Variants in FBXW10 observed in about 807,000 individuals in gnomAD.
FBXW10 encodes F-box/WD repeat-containing protein 10.
Under a neutral mutation model 113.1 loss-of-function variants are expected in FBXW10, and 68 were observed. The observed-to-expected ratio is 0.60, with a 90% CI of 0.49 to 0.74. FBXW10 has a LOEUF of 0.74. Ranked by LOEUF, FBXW10 falls within the 30% of genes least tolerant of loss-of-function variation. The probability of loss-of-function intolerance (pLI) is 0.00; values close to 1 mark genes in which losing one functional copy is unlikely to be tolerated. For missense variants in FBXW10, 753 were observed against 1,284.5 expected (o/e 0.59, Z 6.32); for synonymous variants, 289 against 481.6 (o/e 0.60, Z 5.24).
rs562419546 is a variant in FBXW10 at position 18,747,822 on chromosome 17, C to T, written c.506-119C>T. 1,191 of 1,442,152 alleles carry T rather than the reference C, an allele frequency of 8.3e-4. 6 individuals carry two copies. In the African/African-American group the frequency reaches 0.015, roughly 18 times the overall value. The allele number at this position is 1,442,152 out of a possible 1,614,324, so 89.3% of individuals were successfully genotyped here. Reference sequence around the variant, plus strand: ...CCAAATAAAAACAGACATAACTGCTCTGGTCCATTCTGTACATCTTTAAAA... The same window carrying T: ...CCAAATAAAAACAGACATAACTGCTTTGGTCCATTCTGTACATCTTTAAAA... On this transcript the variant is annotated intron_variant, in intron 1 of 13. Coordinates refer to ENST00000395665, the MANE Select transcript of FBXW10 (RefSeq NM_001267585.2).
At chr17:18,750,628 G>GA (rs1299965846) in intron 4 of FBXW10, among the ~76,000 whole-genome samples, 1 of 102,440 alleles carries the variant, frequency 9.8e-6, no homozygotes, top group East Asian at 2.2e-4. Context: ...TTGGTAACTT[G>GA]GATTTTTTTT....
At chr17:18,750,733 G>C (rs552644224) in intron 4 of FBXW10, among the ~76,000 whole-genome samples, 198 bp from the exon 5 acceptor site, 15 of 152,176 alleles carry the variant, frequency 9.9e-5, no homozygotes, top group African/African-American at 3.6e-4. Context: ...GGCATTTGGT[G>C]TTTATTTTTC....
intron 4 of FBXW10, among the ~76,000 whole-genome samples, chr17:18,750,404 G>A (rs1290212189): frequency 6.6e-6 from 1 of 151,876 alleles, no homozygotes; most frequent in Non-Finnish European, 1.5e-5. Context: ...ACCTCACAAA[G>A]CAGAGAACCC....
At chr17:18,756,201 C>A (rs980102143) in intron 6 of FBXW10, 47 bp downstream of exon 6, 6 of 1,558,822 alleles carry the variant, frequency 3.8e-6, no homozygotes, top group Non-Finnish European at 5.3e-6. Flanking sequence ...GCTTGAGTTA[C>A]CCACACTGAC....
intron 8 of FBXW10, among the ~76,000 whole-genome samples, chr17:18,765,735 C>CA (rs1567622282): frequency 1.4e-5 from 2 of 147,814 alleles, no homozygotes; most frequent in Non-Finnish European, 3.0e-5. Context: ...CAACTTCTTC[C>CA]TTTTTTTTTT....
chr17:18,763,201 G>A (rs1286097455), intron 7 of FBXW10, among the ~76,000 whole-genome samples: 1 of 151,012 alleles, frequency 6.6e-6, no homozygotes, highest in Non-Finnish European at 1.5e-5. Flanking sequence ...CTGTCGCCCA[G>A]GCTGGAGTGC....
chr17:18,776,776 G>A (rs1371693322), intron 13 of FBXW10, among the ~76,000 whole-genome samples: 1 of 152,106 alleles, frequency 6.6e-6, no homozygotes, highest in East Asian at 1.9e-4. Flanking sequence ...AATGGGGTCC[G>A]CATTTTCTTC....
intron 1 of FBXW10, among the ~76,000 whole-genome samples, chr17:18,746,802 T>C (rs2035045581): frequency 6.6e-6 from 1 of 152,194 alleles, no homozygotes; most frequent in Non-Finnish European, 1.5e-5. Flanking sequence ...AGGCCTGGCT[T>C]GTACACACAG....
chr17:18,751,475 C>T (rs1316804311), intron 5 of FBXW10, among the ~76,000 whole-genome samples: 1 of 152,170 alleles, frequency 6.6e-6, no homozygotes. Flanking sequence ...TGTGATCCTC[C>T]CGCCTCGGCC....
At chr17:18,747,813 A>G (rs542478469) in intron 1 of FBXW10, 128 bp from the exon 2 acceptor site, 3 of 1,407,090 alleles carry the variant, frequency 2.1e-6, no homozygotes, top group South Asian at 1.5e-5. Context: ...AAAAACAGAC[A>G]TAACTGCTCT....
chr17:18,751,110 T>A, intron 5 of FBXW10, 57 bp downstream of exon 5: 2 of 1,609,788 alleles, frequency 1.2e-6, no homozygotes, highest in Non-Finnish European at 1.7e-6. Context: ...CTAATTGTCA[T>A]TGAAGGCTGA....
intron 1 of FBXW10, among the ~76,000 whole-genome samples, chr17:18,747,615 G>A (rs569601943): frequency 6.6e-6 from 1 of 152,152 alleles, no homozygotes; most frequent in Admixed American, 6.5e-5. Flanking sequence ...ACTCGAGGGT[G>A]GTTATTTCTA....
At chr17:18,748,760 A>C (rs1254356911) in intron 2 of FBXW10, among the ~76,000 whole-genome samples, 1 of 152,262 alleles carries the variant, frequency 6.6e-6, no homozygotes, top group East Asian at 1.9e-4. Flanking sequence ...GCCACAATCC[A>C]TTGTCTAGTC....
rs2034988491 is a variant in FBXW10 at position 18,744,101 on chromosome 17, C to T, written c.-144C>T. On this transcript the variant is annotated 5_prime_UTR_variant, in exon 1 of 14. Transcript: ENST00000395665. ...AGAGAGATAGGCTTTCCATCCATGG[C>T]AGCCATTTACTTTTGCTCTGGGAGA... is the stretch of plus-strand genomic sequence containing the variant. 8.5e-6 allele frequency: 11 copies of T among 1,301,450 alleles called. No individual in the cohort carries two copies. In the South Asian group the frequency reaches 1.3e-4, roughly 16 times the overall value. The allele number at this position is 1,301,450 out of a possible 1,614,324, so 80.6% of individuals were successfully genotyped here. A position where few individuals can be genotyped will look rare whatever the true frequency, so the allele number is the denominator to read the frequency against.
Position 18,744,730 on chromosome 17 carries a change from A to G in FBXW10, c.486A>G (p.Arg162=). Reference sequence around the variant, plus strand: ...ATGTGATCAGAGTCCTGTTTCTGAGAGAGGAGAACAATATCTCAGGTAAAC... The same window carrying G: ...ATGTGATCAGAGTCCTGTTTCTGAGGGAGGAGAACAATATCTCAGGTAAAC... ...AANVIRVLFL[R]EENNISGLNQ... is the part of the protein sequence containing the mutation. Residue 162 remains arginine, a synonymous_variant, in exon 1 of 14, where the codon AGA becomes AGG. Coordinates refer to ENST00000395665, the MANE Select transcript of FBXW10 (RefSeq NM_001267585.2). 1.9e-6 allele frequency: 3 copies of G among 1,613,746 alleles called. No individual in the cohort carries two copies. The highest frequency in any genetic ancestry group is 2.5e-6 in the Non-Finnish European group (3 of 1,179,670).
At chr17:18,765,159 G>T (rs1324904414) in intron 8 of FBXW10, among the ~76,000 whole-genome samples, 2 of 152,120 alleles carry the variant, frequency 1.3e-5, no homozygotes, top group Non-Finnish European at 2.9e-5. Context: ...AGGGCTCATT[G>T]TCTCCTAATG....
chr17:18,756,524 T>C (rs551527597), intron 6 of FBXW10, among the ~76,000 whole-genome samples: 14 of 152,106 alleles, frequency 9.2e-5, no homozygotes, highest in Admixed American at 8.5e-4. Context: ...GGCAAAGTTT[T>C]CCTGTAGTCT....
intron 12 of FBXW10, among the ~76,000 whole-genome samples, chr17:18,773,300 C>A (rs1397808669): frequency 6.6e-6 from 1 of 152,090 alleles, no homozygotes; most frequent in African/African-American, 2.4e-5. Flanking sequence ...TTAATACTTA[C>A]CACTGAAACA....
rs1173072902 is a variant in FBXW10 at position 18,776,138 on chromosome 17, G to A, written c.2335+946G>A. Among the ~76,000 whole-genome samples the A allele has an allele frequency of 3.9e-5, 6 of 152,220 alleles. No individual in the cohort carries two copies. The East Asian group carries it at 1.2e-3, about 29-fold the overall frequency. ...GGTCGAGACCAGTCTGGCCAACATGGTGAAACCCCATCTCTACTAAAAGTA... is the reference window on the plus strand; with the variant it reads ...GGTCGAGACCAGTCTGGCCAACATGATGAAACCCCATCTCTACTAAAAGTA... On this transcript the variant is annotated intron_variant, in intron 13 of 13. Coordinates refer to ENST00000395665, the MANE Select transcript of FBXW10 (RefSeq NM_001267585.2).
Sources: gnomAD v4.1 joint callset for allele counts (sites outside exome capture counted in the v4.1 genomes callset) on GRCh38, gnomAD v4.1.1 for gene constraint, MANE v1.5 for transcripts, NCBI Gene and HGNC (gene_info 2026-07-23, HGNC 2026-07-21) for gene names.